The following ERC2 variants were observed in gnomAD, a reference collection of about 807,000 sequenced individuals.
The protein encoded by ERC2 is ERC protein 2.
In ERC2, 42 loss-of-function variants were observed where a neutral mutation model predicts 114.8. The ratio of observed to expected loss-of-function variants is 0.37; its 90% CI spans 0.29 to 0.47. ERC2 has a LOEUF of 0.47. ERC2 is among the 20% of genes least tolerant of loss of function. The pLI, the probability that ERC2 is intolerant of heterozygous loss-of-function variation, is 0.99. For missense variants in ERC2, 939 were observed against 1,150.7 expected (o/e 0.82, Z 2.66); for synonymous variants, 454 against 425.5 (o/e 1.07, Z -0.82).
chr3:55,530,322 A>G (rs577647407), intron 17 of ERC2, among the ~76,000 whole-genome samples: 3 of 152,352 alleles, frequency 2.0e-5, no homozygotes, highest in Admixed American at 6.5e-5. Flanking sequence ...CAATTCTGCA[A>G]TCGTGGCAGG....
At chr3:56,277,532 T>A (rs2054081735) in intron 3 of ERC2, among the ~76,000 whole-genome samples, 1 of 152,114 alleles carries the variant, frequency 6.6e-6, no homozygotes, top group Non-Finnish European at 1.5e-5. Context: ...TCCACCCTCC[T>A]CATTCTTTAG....
chr3:56,404,648 C>T (rs1224917590), intron 2 of ERC2, among the ~76,000 whole-genome samples: 11 of 151,924 alleles, frequency 7.2e-5, no homozygotes, highest in Admixed American at 7.2e-4. Flanking sequence ...TTATGCATTG[C>T]ATGCCTGTAG....
intron 2 of ERC2, among the ~76,000 whole-genome samples, chr3:56,324,278 G>A (rs1400857115): frequency 3.3e-5 from 5 of 152,170 alleles, no homozygotes; most frequent in African/African-American, 7.2e-5. Context: ...CCCTTCCCAT[G>A]ACTCACCCAG....
intron 14 of ERC2, among the ~76,000 whole-genome samples, chr3:55,823,237 T>C (rs1330632537): frequency 6.6e-6 from 1 of 152,160 alleles, no homozygotes; most frequent in Non-Finnish European, 1.5e-5. Flanking sequence ...TGAAGTGACC[T>C]CAGAGAGTTC....
In ERC2 at chr3:56,370,595, G is replaced by GTT. The variant is rs71621814; in HGVS notation, c.657+63754_657+63755dup. On this transcript the variant is annotated intron_variant, in intron 2 of 17. Transcript: ENST00000288221. ...TTTGGGTTTTGGTGGGGGTTTTTTT[G>GTT]TTTTTTTTTTTTTTTTTGAGACAGA... Among the ~76,000 whole-genome samples the GTT allele has an allele frequency of 1.4e-3, 174 of 124,026 alleles. 1 individual carries two copies. The highest frequency in any genetic ancestry group is 3.6e-3 in the African/African-American group (120 of 33,748). 81.4% of individuals were successfully genotyped at this position (124,026 alleles called of 152,430 possible).
intron 14 of ERC2, among the ~76,000 whole-genome samples, chr3:55,746,138 G>A (rs6801405): frequency 0.54 from 81,649 of 151,928 alleles, 22,350 homozygotes; most frequent in South Asian, 0.69. Flanking sequence ...AAAACAGATC[G>A]TCATGCCATT....
chr3:55,712,916 G>C (rs1457467226), intron 15 of ERC2, among the ~76,000 whole-genome samples: 1 of 152,114 alleles, frequency 6.6e-6, no homozygotes, highest in Non-Finnish European at 1.5e-5. Context: ...TCCTTTGAGA[G>C]AATTCTTTGA....
At chr3:55,865,328 T>C (rs531095883) in intron 14 of ERC2, among the ~76,000 whole-genome samples, 1 of 152,310 alleles carries the variant, frequency 6.6e-6, no homozygotes, top group South Asian at 2.1e-4. Flanking sequence ...TTTGAGGCTG[T>C]GATCTGATAT....
At chr3:55,653,283 T>C (rs1190540176) in intron 17 of ERC2, among the ~76,000 whole-genome samples, 1 of 152,180 alleles carries the variant, frequency 6.6e-6, no homozygotes, top group Non-Finnish European at 1.5e-5. Context: ...AATTTTTCCA[T>C]AGTTCACTTT....
intron 14 of ERC2, among the ~76,000 whole-genome samples, chr3:55,741,931 A>G (rs187837231): frequency 4.6e-5 from 7 of 152,278 alleles, no homozygotes; most frequent in Non-Finnish European, 8.8e-5. Flanking sequence ...CAATAGAGGA[A>G]AAAAGGGGGA....
At chr3:55,981,700 C>A (rs931648905) in intron 12 of ERC2, among the ~76,000 whole-genome samples, 1 of 152,158 alleles carries the variant, frequency 6.6e-6, no homozygotes, top group Non-Finnish European at 1.5e-5. Context: ...CCTTTTATTT[C>A]TGTCTTCATT....
intron 13 of ERC2, among the ~76,000 whole-genome samples, chr3:55,944,958 A>G (rs2067036909): frequency 6.6e-6 from 1 of 152,216 alleles, no homozygotes; most frequent in Non-Finnish European, 1.5e-5. Flanking sequence ...AAAAAATTAG[A>G]TGAGGGTCAG....
chr3:55,942,586 C>T (rs1198976576), intron 13 of ERC2, among the ~76,000 whole-genome samples: 2 of 151,814 alleles, frequency 1.3e-5, no homozygotes, highest in Non-Finnish European at 2.9e-5. Context: ...CGTGAGCCAC[C>T]GCGCCCGGCC....
intron 14 of ERC2, among the ~76,000 whole-genome samples, chr3:55,839,304 A>C (rs1485207894): frequency 6.6e-6 from 1 of 151,844 alleles, no homozygotes; most frequent in African/African-American, 2.4e-5. Flanking sequence ...AGAATTCTTC[A>C]CTAGTAGATC....
At position 56,131,888 on chromosome 3, in the gene ERC2, G is replaced by A. The variant is rs73078466; in HGVS notation, c.1473+7621C>T. Among the ~76,000 whole-genome samples the A allele has an allele frequency of 1.9e-3, 293 of 152,268 alleles. 3 individuals carry two copies. The highest frequency in any genetic ancestry group is 3.3e-3 in the Non-Finnish European group (224 of 68,024). ...GATAAACATTTGTGGTGACAGATAT[G>A]TTAATTACCATGAATTGATCACTAC... On this transcript the variant is annotated intron_variant, in intron 6 of 17. Coordinates refer to ENST00000288221, the MANE Select transcript of ERC2 (RefSeq NM_015576.3).
chr3:55,952,198 CTATATA>C (rs139081238), intron 12 of ERC2, among the ~76,000 whole-genome samples: 26 of 108,658 alleles, frequency 2.4e-4, no homozygotes, highest in African/African-American at 5.8e-4. Context: ...CTCTCTCTCT[CTATATA>C]TATATATATA....
Position 55,663,081 on chromosome 3 carries a change from C to T in ERC2, c.*39+20713G>A, listed in dbSNP as rs139714306. Among the ~76,000 whole-genome samples, 333 of 152,322 alleles carry T rather than the reference C, an allele frequency of 2.2e-3. 1 individual carries two copies. The highest frequency in any genetic ancestry group is 7.6e-3 in the African/African-American group (314 of 41,566). On this transcript the variant is annotated intron_variant, in intron 17 of 17. Coordinates refer to ENST00000288221, the MANE Select transcript of ERC2 (RefSeq NM_015576.3). ...AAATAAATCAAGCCTACTAAAATCA[C>T]AGGAGACATATATACAAGATTCAAC...
intron 2 of ERC2, 40 bp from the exon 3 acceptor site, chr3:56,296,475 A>G (rs1420312680): frequency 7.1e-6 from 11 of 1,551,418 alleles, no homozygotes; most frequent in Non-Finnish European, 9.6e-6. Context: ...AGAAAGAAGG[A>G]AAAAAAGTCA....
At chr3:56,259,394 G>A (rs889010919) in intron 3 of ERC2, among the ~76,000 whole-genome samples, 4 of 151,998 alleles carry the variant, frequency 2.6e-5, no homozygotes, top group Admixed American at 6.6e-5. Flanking sequence ...CCGCCTTACC[G>A]CAAAAAATAT....
Sources: gnomAD v4.1 joint callset for allele counts (sites outside exome capture counted in the v4.1 genomes callset) on GRCh38, gnomAD v4.1.1 for gene constraint, MANE v1.5 for transcripts, NCBI Gene and HGNC (gene_info 2026-07-23, HGNC 2026-07-21) for gene names.